The following CARMIL1 variants were observed in gnomAD, a reference collection of about 807,000 sequenced individuals.
The protein encoded by CARMIL1 is capping protein regulator and myosin 1 linker 1, also known as F-actin-uncapping protein LRRC16A.
CARMIL1 carries 90 observed loss-of-function variants against 177.1 expected under a neutral mutation model. The observed-to-expected ratio is 0.51, with a 90% CI of 0.43 to 0.61. CARMIL1 has a LOEUF of 0.61. Ranked by LOEUF, CARMIL1 falls within the 20% of genes least tolerant of loss-of-function variation. CARMIL1 has a pLI of 0.00. For synonymous variants in CARMIL1, 577 were observed against 606.2 expected, an observed-to-expected ratio of 0.95 and a Z score of 0.71; for missense variants, 1,380 against 1,667.0, an observed-to-expected ratio of 0.83 and a Z score of 3.00.
At chr6:25,439,399 G>T (rs1454663010) in intron 5 of CARMIL1, among the ~76,000 whole-genome samples, 1 of 152,192 alleles carries the variant, frequency 6.6e-6, no homozygotes, top group Non-Finnish European at 1.5e-5. Flanking sequence ...CTGCATGGCT[G>T]TTGATAACAT....
chr6:25,307,700 G>T (rs550590864), intron 2 of CARMIL1, among the ~76,000 whole-genome samples: 6 of 152,202 alleles, frequency 3.9e-5, no homozygotes, highest in African/African-American at 1.4e-4. Flanking sequence ...GCTTCCACTG[G>T]GATCTGAAAT....
intron 11 of CARMIL1, among the ~76,000 whole-genome samples, chr6:25,474,409 C>T (rs1198851340): frequency 2.0e-5 from 3 of 152,076 alleles, no homozygotes; most frequent in Non-Finnish European, 4.4e-5. Context: ...GCCACCGCAC[C>T]CAGCTGAGTA....
chr6:25,497,680 A>G (rs1803875231), intron 16 of CARMIL1, among the ~76,000 whole-genome samples: 1 of 152,136 alleles, frequency 6.6e-6, no homozygotes, highest in African/African-American at 2.4e-5. Flanking sequence ...TTGTTTCTCT[A>G]AGGGTTTGGG....
intron 2 of CARMIL1, among the ~76,000 whole-genome samples, chr6:25,353,738 G>T (rs910101531): frequency 6.6e-6 from 1 of 152,166 alleles, no homozygotes; most frequent in Non-Finnish European, 1.5e-5. Flanking sequence ...ACTTAGCATG[G>T]TAGTGAGTAA....
chr6:25,331,666 G>A (rs7746606), intron 2 of CARMIL1, among the ~76,000 whole-genome samples: 20,353 of 152,182 alleles, frequency 0.13, 1,410 homozygotes, highest in Middle Eastern at 0.19. Context: ...CAAGGGAGCC[G>A]AAGTTCAGTC....
chr6:25,580,927 A>T lies in CARMIL1; in HGVS notation c.2746A>T (p.Thr916Ser). The change falls in exon 30 of 37, where the codon ACC becomes TCC. Residue 916 changes from threonine to serine, a missense_variant. Coordinates refer to ENST00000329474, the MANE Select transcript of CARMIL1 (RefSeq NM_017640.6). The part of the protein sequence containing the change: ...RLEDLDTCMM[T>S]PKSKRKSIHS... ...TAAATTATTATTTCATTTCTAGATG[A>T]CCCCTAAATCCAAAAGGAAGAGTAT... 1 of 1,592,412 alleles carries T rather than the reference A, an allele frequency of 6.3e-7. No homozygotes were observed. The highest frequency in any genetic ancestry group is 1.1e-5 in the South Asian group (1 of 87,254).
At chr6:25,532,403 T>G (rs1009942525) in intron 24 of CARMIL1, among the ~76,000 whole-genome samples, 3 of 152,222 alleles carry the variant, frequency 2.0e-5, no homozygotes, top group African/African-American at 7.2e-5. Context: ...TAGATGGCAT[T>G]ATTCTGAATT....
chr6:25,317,127 T>G (rs555573425), intron 2 of CARMIL1, among the ~76,000 whole-genome samples: 1 of 152,072 alleles, frequency 6.6e-6, no homozygotes, highest in South Asian at 2.1e-4. Context: ...TGAGTTAGGG[T>G]GTTTTTTTCC....
rs1430704145 is a variant in CARMIL1 at position 25,577,901 on chromosome 6, A to G, written c.2743-3023A>G. On this transcript the variant is annotated intron_variant, in intron 29 of 36. Coordinates refer to ENST00000329474, the MANE Select transcript of CARMIL1 (RefSeq NM_017640.6). The surrounding 1 kb of genome is among the most constrained non-coding windows in gnomAD (Gnocchi z 4.5). The stretch of plus-strand genomic sequence containing the variant: ...GGACTTATTGATGATTTGTGATGTT[A>G]GGACAAGAAAGAAGTCTGTGTTTAA... Among the ~76,000 whole-genome samples, 1 of 152,208 alleles carries G rather than the reference A, an allele frequency of 6.6e-6. No individual in the cohort carries two copies. Among genetic ancestry groups the G allele is most frequent in the Non-Finnish European group, 1.5e-5 (1 of 68,030 alleles).
At chr6:25,581,527 C>T (rs1266502034) in intron 31 of CARMIL1, 88 bp downstream of exon 31, 2 of 1,221,928 alleles carry the variant, frequency 1.6e-6, no homozygotes, top group East Asian at 2.6e-5. Context: ...GTGCTTTGCA[C>T]AAACATGAAA....
Position 25,279,617 on chromosome 6 carries a change from T to C in CARMIL1, c.-179T>C. The C allele has an allele frequency of 1.6e-6, 1 of 621,412 alleles. No homozygotes were observed. Among genetic ancestry groups the C allele is most frequent in the Non-Finnish European group, 2.9e-6 (1 of 348,166 alleles). 38.5% of individuals were successfully genotyped at this position (621,412 alleles called of 1,614,324 possible). The stretch of plus-strand genomic sequence containing the variant: ...CCGCCTCGCATTTGCAACTCTTTTT[T>C]TTTTTTTTGGTGGGGCGGGGGGCGC... On this transcript the variant is annotated 5_prime_UTR_variant, in exon 1 of 37. Coordinates refer to ENST00000329474, the MANE Select transcript of CARMIL1 (RefSeq NM_017640.6).
intron 35 of CARMIL1, among the ~76,000 whole-genome samples, chr6:25,609,611 TATGCATGC>T (rs1382222532): frequency 2.0e-5 from 3 of 152,154 alleles, no homozygotes; most frequent in African/African-American, 4.8e-5. Flanking sequence ...GACCTACATA[TATGCATGC>T]ATGCATGCAT....
intron 29 of CARMIL1, among the ~76,000 whole-genome samples, chr6:25,569,642 T>C (rs1218270782): frequency 3.3e-5 from 5 of 152,224 alleles, no homozygotes; most frequent in African/African-American, 7.2e-5. Flanking sequence ...CTACTAATTT[T>C]TGTCATCATT....
At chr6:25,570,299 G>A (rs570987950) in intron 29 of CARMIL1, among the ~76,000 whole-genome samples, 1 of 152,294 alleles carries the variant, frequency 6.6e-6, no homozygotes, top group Non-Finnish European at 1.5e-5. Flanking sequence ...ATGCTACAGG[G>A]ATATATACCT....
At chr6:25,467,376 G>C (rs1800700680) in intron 9 of CARMIL1, among the ~76,000 whole-genome samples, 1 of 152,200 alleles carries the variant, frequency 6.6e-6, no homozygotes, top group Non-Finnish European at 1.5e-5. Flanking sequence ...GATTAGTCCA[G>C]GGATTGTGGG....
intron 2 of CARMIL1, among the ~76,000 whole-genome samples, chr6:25,362,078 AGGC>A (rs1258787126): frequency 6.6e-6 from 1 of 152,216 alleles, no homozygotes; most frequent in East Asian, 1.9e-4. Flanking sequence ...AAATGAACTA[AGGC>A]GGGTTCCCAG....
intron 18 of CARMIL1, 59 bp from the exon 19 acceptor site, chr6:25,510,448 G>C: frequency 1.9e-6 from 2 of 1,030,354 alleles, no homozygotes; most frequent in Non-Finnish European, 2.9e-6. Flanking sequence ...TTGTGTTCCA[G>C]CTGAAAATTA....
intron 2 of CARMIL1, among the ~76,000 whole-genome samples, chr6:25,345,406 G>A (rs1177023048): frequency 6.6e-6 from 1 of 152,018 alleles, no homozygotes; most frequent in African/African-American, 2.4e-5. Flanking sequence ...GATGACTTCT[G>A]CATTCGTATT....
intron 31 of CARMIL1, among the ~76,000 whole-genome samples, chr6:25,587,998 AAAAC>A (rs1343299957): frequency 2.0e-5 from 3 of 152,226 alleles, no homozygotes; most frequent in Non-Finnish European, 4.4e-5. Context: ...AGGCAATAAA[AAAAC>A]CACAACAATA....
Sources: gnomAD v4.1 joint callset for allele counts (sites outside exome capture counted in the v4.1 genomes callset) on GRCh38, gnomAD v4.1.1 for gene constraint, Gnocchi (gnomAD v3.1) non-coding constraint, MANE v1.5 for transcripts, NCBI Gene and HGNC (gene_info 2026-07-23, HGNC 2026-07-21) for gene names.